ELP6: variants seen among roughly 807,000 people sequenced by gnomAD.
ELP6 encodes the protein elongator complex protein 6.
ELP6 carries 23 observed loss-of-function variants against 28.1 expected under a neutral mutation model. The ratio of observed to expected loss-of-function variants is 0.82; its 90% CI spans 0.59 to 1.16. The LOEUF (loss-of-function observed/expected upper bound fraction) is 1.16, where lower values mean the gene tolerates loss of function less well. Ranked by LOEUF, ELP6 falls within the 50% of genes most tolerant of loss-of-function variation. The pLI is 0.00. For missense variants in ELP6, 313 were observed against 334.6 expected, an observed-to-expected ratio of 0.94 and a Z score of 0.50; for synonymous variants, 132 against 135.8, an observed-to-expected ratio of 0.97 and a Z score of 0.19.
chr3:47,498,312 C>CAGTG lies in ELP6; in HGVS notation c.642_645dup (p.Gly216HisfsTer34). ...TGCCCGTGCACATCCCTGCAGAAGCCAGTGGCCAGGCCCTCAGCCCGCAGT... is the reference window on the plus strand; with the variant it reads ...TGCCCGTGCACATCCCTGCAGAAGCCAGTGAGTGGCCAGGCCCTCAGCCCGCAGT... On this transcript the variant is annotated frameshift_variant, in exon 6 of 7. Coordinates refer to ENST00000296149, the MANE Select transcript of ELP6 (RefSeq NM_001031703.3). LOFTEE classifies it high-confidence loss of function. The CAGTG allele has an allele frequency of 6.2e-7, 1 of 1,613,688 alleles. No homozygotes were observed.
At chr3:47,498,243 G>A (rs1708536315) in intron 6 of ELP6, 43 bp downstream of exon 6, 2 of 1,607,928 alleles carry the variant, frequency 1.2e-6, no homozygotes, top group South Asian at 2.2e-5. Flanking sequence ...AGAATCACAG[G>A]TACACGGGCA....
intron 3 of ELP6, among the ~76,000 whole-genome samples, chr3:47,505,863 T>C (rs1007567807): frequency 2.6e-5 from 4 of 152,170 alleles, no homozygotes; most frequent in South Asian, 2.1e-4. Flanking sequence ...TGAGCCACCG[T>C]GCCCGGCCTA....
intron 2 of ELP6, 149 bp from the exon 3 acceptor site, chr3:47,510,403 T>G: frequency 1.6e-6 from 1 of 620,294 alleles, no homozygotes; most frequent in South Asian, 2.0e-5. Context: ...TAAGATGTAC[T>G]TTTTTTCTTA....
At chr3:47,500,088 G>A (rs1315426080) in intron 5 of ELP6, 3 of 1,211,996 alleles carry the variant, frequency 2.5e-6, no homozygotes, top group Admixed American at 7.0e-5. Context: ...CTTGTGAACG[G>A]CAGAAAGGAG....
intron 2 of ELP6, among the ~76,000 whole-genome samples, chr3:47,510,852 A>G (rs1708995346): frequency 6.6e-6 from 1 of 152,200 alleles, no homozygotes; most frequent in Non-Finnish European, 1.5e-5. Flanking sequence ...CACAAAGACC[A>G]AGGAGCAACA....
chr3:47,513,324 C>G, intron 1 of ELP6: 1 of 1,386,530 alleles, frequency 7.2e-7, no homozygotes, highest in Non-Finnish European at 9.3e-7. Context: ...CACGCACAGC[C>G]GTTGAGAATA....
chr3:47,504,175 G>T, intron 4 of ELP6, 155 bp downstream of exon 4: 2 of 920,820 alleles, frequency 2.2e-6, no homozygotes, highest in Non-Finnish European at 3.2e-6. Flanking sequence ...ATAAGAGCCA[G>T]CATTTGATGA....
At chr3:47,501,538 TAA>T in intron 5 of ELP6, 110 bp downstream of exon 5, 1 of 1,146,870 alleles carries the variant, frequency 8.7e-7, no homozygotes, top group Non-Finnish European at 1.3e-6. Flanking sequence ...CCTGCCAGAG[TAA>T]AGCCAAAACC....
intron 3 of ELP6, among the ~76,000 whole-genome samples, chr3:47,506,269 C>A (rs1427367783): frequency 1.3e-5 from 2 of 152,034 alleles, no homozygotes; most frequent in African/African-American, 4.8e-5. Context: ...ACTGCAGGAC[C>A]GGGGCGAAAT....
intron 5 of ELP6, chr3:47,499,903 G>T (rs914952221): frequency 1.1e-5 from 15 of 1,312,954 alleles, no homozygotes; most frequent in African/African-American, 1.5e-5. Context: ...AGCATATGGA[G>T]GTGGAGGACG....
intron 1 of ELP6, 172 bp downstream of exon 1, chr3:47,513,365 G>C: frequency 2.1e-6 from 3 of 1,405,050 alleles, no homozygotes; most frequent in Non-Finnish European, 2.8e-6. Flanking sequence ...CACTTTCGGC[G>C]GGCCCAAGCC....
At chr3:47,501,310 T>A (rs1263768159) in intron 5 of ELP6, among the ~76,000 whole-genome samples, 1 of 152,178 alleles carries the variant, frequency 6.6e-6, no homozygotes, top group Non-Finnish European at 1.5e-5. Context: ...TTAAAGTAGT[T>A]CATACTCATT....
At chr3:47,511,787 A>G (rs1709023995) in intron 1 of ELP6, 1 of 991,114 alleles carries the variant, frequency 1.0e-6, no homozygotes. Flanking sequence ...AAAGACCTCT[A>G]AGGGTGGTCT....
chr3:47,501,241 C>T (rs1212467280), intron 5 of ELP6, among the ~76,000 whole-genome samples: 2 of 152,194 alleles, frequency 1.3e-5, no homozygotes, highest in Non-Finnish European at 1.5e-5. Flanking sequence ...ATTTGTCCCT[C>T]ATAACTTGGT....
chr3:47,498,291 C>A lies in ELP6; in HGVS notation c.667G>T (p.Gly223Trp). Residue 223 changes from glycine (G) to tryptophan (W), a missense_variant, in exon 6 of 7, where the codon GGG becomes TGG. Transcript: ENST00000296149. ...CCCAGGAGGCCCCTGCATACCTGCCCGTGCACATCCCTGCAGAAGCCAGTG... is the reference window on the plus strand; with the variant it reads ...CCCAGGAGGCCCCTGCATACCTGCCAGTGCACATCCCTGCAGAAGCCAGTG... ...LATGFCRDVH[G>W]QLRILWRRPS... The A allele has an allele frequency of 6.2e-7, 1 of 1,613,314 alleles. No homozygotes were observed. The highest frequency in any genetic ancestry group is 8.5e-7 in the Non-Finnish European group (1 of 1,180,006).
intron 1 of ELP6, chr3:47,512,528 G>A: frequency 1.1e-6 from 1 of 877,368 alleles, no homozygotes; most frequent in Non-Finnish European, 1.4e-6. Context: ...TCCAGCCCAG[G>A]CGAGGGAGCG....
Position 47,513,518 on chromosome 3 carries a change from G to T in ELP6, c.54+19C>A. The T allele has an allele frequency of 6.2e-7, 1 of 1,610,148 alleles. No homozygotes were observed. The highest frequency in any genetic ancestry group is 1.1e-5 in the South Asian group (1 of 90,546). On this transcript the variant is annotated intron_variant, in intron 1 of 6. Coordinates refer to ENST00000296149, the MANE Select transcript of ELP6 (RefSeq NM_001031703.3). ...GCCCTGCCAGGTCCCGCCCCCTTCC[G>T]GCCAGCGGGACCTCTTACCTGCTCC...
intron 3 of ELP6, chr3:47,504,775 G>T: frequency 2.9e-6 from 1 of 346,326 alleles, no homozygotes; most frequent in Non-Finnish European, 4.1e-6. Context: ...GGGCAACATG[G>T]CAAGACCTCG....
At chr3:47,507,371 A>C (rs1708870758) in intron 3 of ELP6, among the ~76,000 whole-genome samples, 2 of 151,748 alleles carry the variant, frequency 1.3e-5, no homozygotes, top group South Asian at 2.1e-4. Context: ...CAAAAAAAAA[A>C]AAAAAAAACA....
Sources: allele counts gnomAD v4.1 joint callset (sites outside exome capture counted in the v4.1 genomes callset), GRCh38; gene constraint gnomAD v4.1.1; transcripts MANE v1.5; gene names NCBI Gene and HGNC (gene_info 2026-07-23, HGNC 2026-07-21).